ADGRV1: variants seen among roughly 807,000 people sequenced by gnomAD.
ADGRV1 encodes the protein adhesion G protein-coupled receptor V1.
In ADGRV1, 359 loss-of-function variants were observed where a neutral mutation model predicts 596.2. The ratio of observed to expected loss-of-function variants is 0.60; its 90% CI spans 0.55 to 0.66. ADGRV1 has a LOEUF of 0.66. Among genes scored for constraint, ADGRV1 ranks in the 30% least tolerant of loss-of-function variants. ADGRV1 has a pLI of 0.00. For synonymous variants in ADGRV1, 2,681 were observed against 2,679.2 expected (o/e 1.00, Z -0.02); for missense variants, 7,274 against 7,575.6 (o/e 0.96, Z 1.48).
At chr5:90,939,573 G>A (rs1184608136) in intron 83 of ADGRV1, among the ~76,000 whole-genome samples, 1 of 152,082 alleles carries the variant, frequency 6.6e-6, no homozygotes, top group Middle Eastern at 3.2e-3. Context: ...TAAATGACAA[G>A]GATATAAAGT....
At chr5:91,104,369 CAT>C (rs1234624122) in intron 87 of ADGRV1, among the ~76,000 whole-genome samples, 10 of 152,288 alleles carry the variant, frequency 6.6e-5, no homozygotes, top group African/African-American at 1.9e-4. Context: ...ATACATATAA[CAT>C]GTAGTGATCA....
At chr5:91,084,647 C>T (rs1789703339) in intron 86 of ADGRV1, among the ~76,000 whole-genome samples, 1 of 152,150 alleles carries the variant, frequency 6.6e-6, no homozygotes, top group Non-Finnish European at 1.5e-5. Flanking sequence ...TAAATTAGTT[C>T]AACCATTGTG....
chr5:90,781,674 G>T (rs868742874), intron 65 of ADGRV1, 96 bp downstream of exon 65: 1 of 1,156,426 alleles, frequency 8.6e-7, no homozygotes, highest in South Asian at 1.6e-5. Flanking sequence ...AGTTTGGTGT[G>T]GGTGTGTGTG....
intron 84 of ADGRV1, among the ~76,000 whole-genome samples, chr5:90,981,034 C>T (rs1385503176): frequency 2.0e-5 from 3 of 152,064 alleles, no homozygotes; most frequent in African/African-American, 7.2e-5. Context: ...TTTATTTTGC[C>T]AAGGTTTAGG....
rs540703999 is a variant in ADGRV1, at chr5:90,929,161, C to A, written c.17857-36254C>A. 6.4e-4 allele frequency: 101 copies of A among 156,696 alleles called. 2 individuals are homozygous for A. Among genetic ancestry groups the A allele is most frequent in the East Asian group, 3.8e-4 (2 of 5,328 alleles). 9.7% of individuals were successfully genotyped at this position (156,696 alleles called of 1,614,324 possible). ...TCCTTGAGCTGTGGTGGGCTCCACC[C>A]AGTTTGAGCTTCCAGGCTGCTTTGT... On this transcript the variant is annotated intron_variant, in intron 83 of 89. Transcript: ENST00000405460.
chr5:91,092,378 T>G (rs1260731982), intron 86 of ADGRV1, among the ~76,000 whole-genome samples: 1 of 152,126 alleles, frequency 6.6e-6, no homozygotes, highest in Non-Finnish European at 1.5e-5. Flanking sequence ...GGATCACAGG[T>G]GTGAGCCACC....
chr5:90,760,400 T>C (rs1489444807), intron 58 of ADGRV1, among the ~76,000 whole-genome samples: 1 of 152,174 alleles, frequency 6.6e-6, no homozygotes, highest in Non-Finnish European at 1.5e-5. Context: ...CACAGTTTGA[T>C]AGTAATGTGA....
chr5:91,060,115 A>G (rs1787269525), intron 85 of ADGRV1, among the ~76,000 whole-genome samples: 1 of 152,178 alleles, frequency 6.6e-6, no homozygotes, highest in Non-Finnish European at 1.5e-5. Context: ...ACTTAAGATA[A>G]TAACCTTAAA....
chr5:91,119,283 A>G (rs1793107764), intron 87 of ADGRV1, among the ~76,000 whole-genome samples: 1 of 152,186 alleles, frequency 6.6e-6, no homozygotes, highest in Non-Finnish European at 1.5e-5. Flanking sequence ...TAATACTGGC[A>G]GGTGCTGTGA....
intron 83 of ADGRV1, among the ~76,000 whole-genome samples, chr5:90,904,563 T>C (rs1772145383): frequency 3.9e-5 from 6 of 152,098 alleles, no homozygotes; most frequent in Admixed American, 3.9e-4. Context: ...TTTGTCTTCT[T>C]TGAGATATGC....
chr5:90,559,444 A>T (rs1329765866), intron 1 of ADGRV1, among the ~76,000 whole-genome samples: 2 of 152,152 alleles, frequency 1.3e-5, no homozygotes, highest in African/African-American at 4.8e-5. Context: ...TGGGATTAAC[A>T]TGGAGCTATA....
At chr5:90,761,859 A>C (rs1756549275) in intron 58 of ADGRV1, among the ~76,000 whole-genome samples, 1 of 152,108 alleles carries the variant, frequency 6.6e-6, no homozygotes, top group East Asian at 1.9e-4. Context: ...GCCCTTTGTG[A>C]CTTTTTTCCT....
At chr5:90,741,769 G>A (rs941999978) in intron 50 of ADGRV1, among the ~76,000 whole-genome samples, 1 of 152,156 alleles carries the variant, frequency 6.6e-6, no homozygotes, top group Non-Finnish European at 1.5e-5. Flanking sequence ...TGAAAAGATT[G>A]TAGGTAATTA....
At chr5:90,637,682 A>T in intron 10 of ADGRV1, 43 bp from the exon 11 acceptor site, 2 of 1,362,640 alleles carry the variant, frequency 1.5e-6, no homozygotes, top group South Asian at 2.8e-5. Context: ...ATTTCTGAAC[A>T]TATATTTTAG....
At chr5:90,875,150 AC>A (rs1274137865) in intron 83 of ADGRV1, among the ~76,000 whole-genome samples, 1 of 152,174 alleles carries the variant, frequency 6.6e-6, no homozygotes, top group African/African-American at 2.4e-5. Flanking sequence ...TTATGATTTC[AC>A]CACTGCACTC....
At chr5:91,160,547 G>A (rs1197454860) in intron 89 of ADGRV1, among the ~76,000 whole-genome samples, 3 of 152,130 alleles carry the variant, frequency 2.0e-5, no homozygotes, top group African/African-American at 7.2e-5. Flanking sequence ...CATGATGAAT[G>A]TAAATTATTA....
chr5:90,856,987 C>T (rs1767083027), intron 82 of ADGRV1, among the ~76,000 whole-genome samples: 2 of 152,076 alleles, frequency 1.3e-5, no homozygotes, highest in African/African-American at 4.8e-5. Flanking sequence ...GAGATAGAAT[C>T]AAGTAATTAA....
Position 90,651,652 on chromosome 5 carries a change from C to A in ADGRV1, c.3338C>A (p.Ala1113Asp), listed in dbSNP as rs750334086. 9.9e-6 allele frequency: 16 copies of A among 1,611,488 alleles called. No homozygotes were observed. The highest frequency in any genetic ancestry group is 3.3e-4 in the Middle Eastern group (2 of 6,046). ...GGAGTAGCTACAGTAATAATTGAAG[C>A]TAATGATGACCCAAATGGCATTTTT... ...QYGVATVIIEANDDPNGIFSL... is the reference protein window; with the variant it reads ...QYGVATVIIEDNDDPNGIFSL... Residue 1113 changes from alanine to aspartate, a missense_variant, in exon 18 of 90, where the codon GCT becomes GAT. Ala to Asp is a moderately radical substitution (Grantham distance 126). Transcript: ENST00000405460.
At chr5:90,813,068 G>A (rs1762576527) in intron 74 of ADGRV1, among the ~76,000 whole-genome samples, 1 of 136,958 alleles carries the variant, frequency 7.3e-6, no homozygotes, top group Non-Finnish European at 1.5e-5. Flanking sequence ...GGGAGACGGA[G>A]CTTGCAGTGA....
Sources: allele counts gnomAD v4.1 joint callset (sites outside exome capture counted in the v4.1 genomes callset), GRCh38; gene constraint gnomAD v4.1.1; transcripts MANE v1.5; gene names NCBI Gene and HGNC (gene_info 2026-07-23, HGNC 2026-07-21).